Variants in ADCY7 observed in about 807,000 individuals in gnomAD.
ADCY7 encodes adenylate cyclase type 7.
A neutral mutation model predicts 120.6 loss-of-function variants in ADCY7; 72 were observed. That is an observed-to-expected ratio of 0.60 (90% confidence interval 0.49 to 0.73). The LOEUF (loss-of-function observed/expected upper bound fraction) is 0.73. Ranked by LOEUF, ADCY7 falls within the 30% of genes least tolerant of loss-of-function variation. The pLI, the probability that ADCY7 is intolerant of heterozygous loss-of-function variation, is 0.00. For synonymous variants in ADCY7, 661 were observed against 628.0 expected (o/e 1.05, Z -0.78); for missense variants, 1,227 against 1,486.0 (o/e 0.83, Z 2.87).
chr16:50,245,967 G>A (rs2032568611), upstream of ADCY7, among the ~76,000 whole-genome samples: 1 of 148,826 alleles, frequency 6.7e-6, no homozygotes, highest in African/African-American at 2.4e-5. Flanking sequence ...GGTGGGGTGG[G>A]GTGGGGTGGG....
chr16:50,289,150 A>G (rs1417197183), intron 2 of ADCY7: 1 of 307,954 alleles, frequency 3.2e-6, no homozygotes, highest in Non-Finnish European at 6.4e-6. Context: ...CAATCCCTAC[A>G]TTCCACACTG....
intron 1 of ADCY7, among the ~76,000 whole-genome samples, chr16:50,255,237 C>G (rs974083807): frequency 4.0e-5 from 6 of 151,020 alleles, no homozygotes; most frequent in Non-Finnish European, 8.8e-5. Context: ...CTTGAGGTTG[C>G]AGTGAGCTAT....
Position 50,308,665 on chromosome 16 carries a change from A to G in ADCY7, c.1936-2A>G. On this transcript the variant is annotated splice_acceptor_variant, in intron 16 of 25. Coordinates refer to ENST00000673801, the MANE Select transcript of ADCY7 (RefSeq NM_001114.5). LOFTEE classifies it high-confidence loss of function. ...GGGTGACTTGACCCTGTTACCCCAC[A>G]GAGGTGCTGCCCAGCTCGGGGGACG... 3 of 1,610,676 alleles carry G rather than the reference A, an allele frequency of 1.9e-6. No individual in the cohort carries two copies. The highest frequency in any genetic ancestry group is 1.1e-5 in the South Asian group (1 of 90,774).
chr16:50,298,173 C>T (rs879907754), intron 7 of ADCY7, among the ~76,000 whole-genome samples: 9 of 152,128 alleles, frequency 5.9e-5, no homozygotes, highest in Non-Finnish European at 1.2e-4. Flanking sequence ...AGCACAGCCA[C>T]TGCTTGGGTG....
intron 1 of ADCY7, among the ~76,000 whole-genome samples, chr16:50,276,309 C>T (rs1322534367): frequency 3.9e-5 from 6 of 152,210 alleles, no homozygotes; most frequent in Admixed American, 3.3e-4. Flanking sequence ...AGGGGCCGGG[C>T]CTCCTCACCC....
At chr16:50,284,636 G>C (rs1484084692) in intron 1 of ADCY7, among the ~76,000 whole-genome samples, 1 of 152,262 alleles carries the variant, frequency 6.6e-6, no homozygotes, top group Non-Finnish European at 1.5e-5. Context: ...TTGGCAGCAG[G>C]CCAGGGGTCA....
At position 50,315,223 on chromosome 16, in the gene ADCY7, T is replaced by C. The variant is rs529985678; in HGVS notation, c.3096+85T>C. On this transcript the variant is annotated intron_variant, in intron 25 of 25. Transcript: ENST00000673801. The stretch of plus-strand genomic sequence containing the variant: ...GGACTTGGACTTAAGAGCTGCTGTC[T>C]CACCCAGCAGCCATGGTTCTAGCTA... 5 of 1,579,980 alleles carry C rather than the reference T, an allele frequency of 3.2e-6. No homozygotes were observed. The African/African-American group carries it at 6.7e-5, about 21-fold the overall frequency.
At chr16:50,248,901 C>T (rs538181436) in intron 1 of ADCY7, among the ~76,000 whole-genome samples, 71 of 152,256 alleles carry the variant, frequency 4.7e-4, no homozygotes, top group Non-Finnish European at 8.4e-4. Context: ...CCCTTTTGGT[C>T]GGTGGCAGAG....
At chr16:50,314,989 G>C (rs761960254) in intron 24 of ADCY7, 25 bp from the exon 25 acceptor site, 2 of 1,613,452 alleles carry the variant, frequency 1.2e-6, no homozygotes, top group Non-Finnish European at 1.7e-6. Context: ...CTGCACGCTT[G>C]GGTAACTGTA....
rs2151096551 is a variant in ADCY7, at chr16:50,313,103, C to T, written c.2751+67C>T. Reference sequence around the variant, plus strand: ...TGCTGGAGAGGGAAGGGCGGTGGCACCTGCCATCCTAAAACCCAATTTAAA... The same window carrying T: ...TGCTGGAGAGGGAAGGGCGGTGGCATCTGCCATCCTAAAACCCAATTTAAA... On this transcript the variant is annotated intron_variant, in intron 22 of 25. Coordinates refer to ENST00000673801, the MANE Select transcript of ADCY7 (RefSeq NM_001114.5). The T allele has an allele frequency of 6.3e-6, 10 of 1,589,496 alleles. No homozygotes were observed. The East Asian group carries it at 2.2e-4, about 36-fold the overall frequency.
chr16:50,268,784 C>T (rs1398588103), intron 1 of ADCY7, among the ~76,000 whole-genome samples: 1 of 152,170 alleles, frequency 6.6e-6, no homozygotes, highest in Admixed American at 6.5e-5. Flanking sequence ...GAGAAAAGAT[C>T]CCAGCACTTT....
intron 1 of ADCY7, among the ~76,000 whole-genome samples, chr16:50,261,311 C>A (rs559930817): frequency 6.6e-6 from 1 of 152,072 alleles, no homozygotes; most frequent in Non-Finnish European, 1.5e-5. Flanking sequence ...CAGTACCTGG[C>A]GGGATGGGTA....
intron 8 of ADCY7, among the ~76,000 whole-genome samples, 161 bp from the exon 9 acceptor site, chr16:50,300,554 C>T (rs1429633723): frequency 6.6e-6 from 1 of 152,186 alleles, no homozygotes; most frequent in East Asian, 1.9e-4. Flanking sequence ...GCACTCAGCT[C>T]TTCCTGAAGA....
At chr16:50,296,635 T>C (rs946531830) in intron 7 of ADCY7, among the ~76,000 whole-genome samples, 1 of 152,030 alleles carries the variant, frequency 6.6e-6, no homozygotes, top group African/African-American at 2.4e-5. Flanking sequence ...GGATTACAGG[T>C]GTGAGCCACT....
intron 19 of ADCY7, 74 bp from the exon 20 acceptor site, chr16:50,311,619 G>A: frequency 9.5e-7 from 1 of 1,055,110 alleles, no homozygotes; most frequent in South Asian, 1.3e-5. Context: ...GGTGTGCGTG[G>A]CACCTGGAGA....
chr16:50,275,420 G>T (rs927317565), intron 1 of ADCY7, among the ~76,000 whole-genome samples: 1 of 152,206 alleles, frequency 6.6e-6, no homozygotes, highest in Non-Finnish European at 1.5e-5. Flanking sequence ...CTTCTTAGGG[G>T]AGGAGTTCCT....
chr16:50,247,778 A>G (rs1356527488), intron 1 of ADCY7, among the ~76,000 whole-genome samples: 1 of 152,084 alleles, frequency 6.6e-6, no homozygotes, highest in Non-Finnish European at 1.5e-5. Flanking sequence ...TCGCAGGACC[A>G]GGTGTTCTAA....
chr16:50,291,109 G>A (rs757407222), intron 3 of ADCY7, among the ~76,000 whole-genome samples: 1 of 152,012 alleles, frequency 6.6e-6, no homozygotes, highest in Non-Finnish European at 1.5e-5. Flanking sequence ...CAACCAGCTC[G>A]ACCTGCAGGC....
intron 1 of ADCY7, among the ~76,000 whole-genome samples, chr16:50,256,679 G>C (rs1366299779): frequency 6.6e-6 from 1 of 151,988 alleles, no homozygotes; most frequent in Admixed American, 6.6e-5. Context: ...CTCCAGCTTG[G>C]GCAAGACCCT....
Sources: allele counts gnomAD v4.1 joint callset (sites outside exome capture counted in the v4.1 genomes callset), GRCh38; gene constraint gnomAD v4.1.1; transcripts MANE v1.5; gene names NCBI Gene and HGNC (gene_info 2026-07-23, HGNC 2026-07-21).